Variants in MYBL1 observed in about 807,000 individuals in gnomAD.
MYBL1 encodes myb-related protein A.
MYBL1 carries 17 observed loss-of-function variants against 96.3 expected under a neutral mutation model. The observed-to-expected ratio is 0.18, with a 90% CI of 0.12 to 0.26. The LOEUF (loss-of-function observed/expected upper bound fraction) is 0.26. Ranked by LOEUF, MYBL1 falls within the 10% of genes least tolerant of loss-of-function variation. The probability of loss-of-function intolerance (pLI) is 1.00; values close to 1 mark genes in which losing one functional copy is unlikely to be tolerated. For synonymous variants in MYBL1, 282 were observed against 292.7 expected, an observed-to-expected ratio of 0.96 and a Z score of 0.37; for missense variants, 701 against 882.9, an observed-to-expected ratio of 0.79 and a Z score of 2.61.
chr8:66,576,437 C>T, intron 9 of MYBL1, 62 bp from the exon 10 acceptor site: 1 of 1,493,816 alleles, frequency 6.7e-7, no homozygotes, highest in Non-Finnish European at 9.0e-7. Flanking sequence ...TGCTCTTGAA[C>T]ACAGGATGAT....
At position 66,598,759 on chromosome 8, in the gene MYBL1, A is replaced by G. The variant is rs565790884; in HGVS notation, c.291+291T>C. ...ATTTTTGACAAAAAACTATACCCTA[A>G]TAGTTGTGAAACTGAGCTCAAAACA... On this transcript the variant is annotated intron_variant, in intron 4 of 15. Transcript: ENST00000522677. 3.0e-4 allele frequency among the ~76,000 whole-genome samples: 46 copies of G among 152,340 alleles called. 1 individual carries two copies. In the South Asian group the frequency reaches 7.9e-3, roughly 26 times the overall value.
chr8:66,573,892 T>A (rs1164498726), intron 10 of MYBL1, among the ~76,000 whole-genome samples: 1 of 152,092 alleles, frequency 6.6e-6, no homozygotes, highest in East Asian at 1.9e-4. Context: ...AAAAAACAAG[T>A]TTTTTAGCTC....
intron 1 of MYBL1, among the ~76,000 whole-genome samples, chr8:66,605,866 T>C (rs1810292847): frequency 6.6e-6 from 1 of 152,168 alleles, no homozygotes; most frequent in Middle Eastern, 3.2e-3. Context: ...GGCAGTGGAC[T>C]GAATAAAGTC....
At chr8:66,585,503 G>A (rs929725904) in intron 8 of MYBL1, among the ~76,000 whole-genome samples, 2 of 152,186 alleles carry the variant, frequency 1.3e-5, no homozygotes, top group Non-Finnish European at 2.9e-5. Flanking sequence ...CACTTTGGGA[G>A]GCCGAGGCAG....
At chr8:66,612,131 A>T (rs1392963320) in intron 1 of MYBL1, 1 of 152,224 alleles carries the variant, frequency 6.6e-6, no homozygotes, top group Non-Finnish European at 1.5e-5. Flanking sequence ...AGCCAAACAC[A>T]GACACTCAAA....
At chr8:66,568,332 G>A (rs1808593648) in intron 12 of MYBL1, among the ~76,000 whole-genome samples, 1 of 152,092 alleles carries the variant, frequency 6.6e-6, no homozygotes, top group South Asian at 2.1e-4. Context: ...AGGCTGGAGT[G>A]TAGTAGCATA....
At chr8:66,604,512 TA>T (rs879543352) in intron 1 of MYBL1, among the ~76,000 whole-genome samples, 461 of 137,858 alleles carry the variant, frequency 3.3e-3, no homozygotes, top group Middle Eastern at 0.011. Context: ...ATTTCAAAAT[TA>T]AAAAAAAAAA....
intron 1 of MYBL1, among the ~76,000 whole-genome samples, chr8:66,606,851 C>T (rs999909990): frequency 2.6e-5 from 4 of 151,254 alleles, no homozygotes; most frequent in African/African-American, 4.9e-5. Flanking sequence ...AGTGCAGTGG[C>T]GCAATCTCGG....
At chr8:66,588,430 C>T (rs1809506817) in intron 8 of MYBL1, among the ~76,000 whole-genome samples, 2 of 152,022 alleles carry the variant, frequency 1.3e-5, no homozygotes, top group Non-Finnish European at 2.9e-5. Context: ...CAGGAGCGCA[C>T]CATCACACCT....
intron 8 of MYBL1, among the ~76,000 whole-genome samples, chr8:66,591,425 A>C (rs1453717374): frequency 6.6e-6 from 1 of 152,144 alleles, no homozygotes; most frequent in East Asian, 1.9e-4. Flanking sequence ...TCTTTTAACC[A>C]ATCTAGCATA....
At chr8:66,570,136 G>T (rs1433168367) in intron 12 of MYBL1, among the ~76,000 whole-genome samples, 2 of 152,096 alleles carry the variant, frequency 1.3e-5, no homozygotes, top group African/African-American at 4.8e-5. Context: ...ATAAATCATT[G>T]CCTTCCTTTT....
At chr8:66,586,848 T>C (rs906169776) in intron 8 of MYBL1, among the ~76,000 whole-genome samples, 4 of 152,172 alleles carry the variant, frequency 2.6e-5, no homozygotes, top group African/African-American at 9.7e-5. Flanking sequence ...CACATAATAC[T>C]ATTTAGCCAT....
Position 66,601,751 on chromosome 8 carries a change from A to G in MYBL1, c.145T>C (p.Leu49=). 6.5e-7 allele frequency: 1 copy of G among 1,529,148 alleles called. No individual in the cohort carries two copies. The highest frequency in any genetic ancestry group is 8.9e-7 in the Non-Finnish European group (1 of 1,128,634). 94.7% of individuals were successfully genotyped at this position (1,529,148 alleles called of 1,614,324 possible). A position where few individuals can be genotyped will look rare whatever the true frequency, so the allele number is the denominator to read the frequency against. ...TCATCAGTTCCATGTTGTTCAACCA[A>G]CTTCTTTAATTTATCATCCTATTAA... ...TRDEDDKLKK[L]VEQHGTDDWT... The change falls in exon 3 of 16, where the codon TTG becomes CTG. Residue 49 remains leucine, a synonymous_variant. Coordinates refer to ENST00000522677, the MANE Select transcript of MYBL1 (RefSeq NM_001080416.4).
intron 12 of MYBL1, among the ~76,000 whole-genome samples, chr8:66,567,526 A>AGTGTGTGTGTGT (rs111352513): frequency 1.2e-4 from 18 of 146,914 alleles, no homozygotes; most frequent in African/African-American, 4.4e-4. Context: ...AGAGAGAGTG[A>AGTGTGTGTGTGT]GTGTGTGTGT....
At chr8:66,572,728 C>G in intron 11 of MYBL1, 132 bp from the exon 12 acceptor site, 1 of 416,932 alleles carries the variant, frequency 2.4e-6, no homozygotes, top group Non-Finnish European at 4.2e-6. Flanking sequence ...CATTCTAAGA[C>G]TATTTTAAAG....
intron 9 of MYBL1, 130 bp from the exon 10 acceptor site, chr8:66,576,505 A>T (rs79063772): frequency 0.028 from 29,894 of 1,065,716 alleles, 524 homozygotes; most frequent in Non-Finnish European, 0.034. Flanking sequence ...TTCCTTGGAC[A>T]TTTTTTTTAA....
intron 1 of MYBL1, among the ~76,000 whole-genome samples, chr8:66,603,845 A>G (rs1462074843): frequency 6.6e-6 from 1 of 152,100 alleles, no homozygotes; most frequent in African/African-American, 2.4e-5. Context: ...TATTATAGAT[A>G]TGTCCATTCT....
chr8:66,577,206 T>C (rs1230465737), intron 9 of MYBL1, among the ~76,000 whole-genome samples: 1 of 150,162 alleles, frequency 6.7e-6, no homozygotes, highest in East Asian at 2.0e-4. Context: ...CTATTCAACA[T>C]AGTGTTGGAA....
At chr8:66,599,769 C>T (rs1809995189) in intron 3 of MYBL1, among the ~76,000 whole-genome samples, 1 of 150,612 alleles carries the variant, frequency 6.6e-6, no homozygotes, top group African/African-American at 2.4e-5. Context: ...CATTGCATTC[C>T]AACCTAGGCA....
Sources: gnomAD v4.1 joint callset for allele counts (sites outside exome capture counted in the v4.1 genomes callset) on GRCh38, gnomAD v4.1.1 for gene constraint, MANE v1.5 for transcripts, NCBI Gene and HGNC (gene_info 2026-07-23, HGNC 2026-07-21) for gene names.